Variants in MACROD2 observed in about 807,000 individuals in gnomAD.
MACROD2 encodes the protein ADP-ribose glycohydrolase MACROD2.
MACROD2 carries 36 observed loss-of-function variants against 70.4 expected under a neutral mutation model. The ratio of observed to expected loss-of-function variants is 0.51; its 90% CI spans 0.39 to 0.68. The LOEUF (loss-of-function observed/expected upper bound fraction) is 0.68, where lower values mean the gene tolerates loss of function less well. Among genes scored for constraint, MACROD2 ranks in the 30% least tolerant of loss-of-function variants. MACROD2 has a pLI of 0.00. For synonymous variants in MACROD2, 172 were observed against 178.8 expected (o/e 0.96, Z 0.30); for missense variants, 496 against 538.4 (o/e 0.92, Z 0.78).
intron 2 of MACROD2, among the ~76,000 whole-genome samples, chr20:14,041,829 T>C (rs2053395324): frequency 6.6e-6 from 1 of 152,168 alleles, no homozygotes; most frequent in Non-Finnish European, 1.5e-5. Flanking sequence ...TGTTCCTCTC[T>C]CTTCTTTACC....
chr20:15,551,398 G>A (rs2048094660), intron 8 of MACROD2, among the ~76,000 whole-genome samples: 1 of 150,280 alleles, frequency 6.7e-6, no homozygotes, highest in African/African-American at 2.4e-5. Flanking sequence ...TCTCTTTGTG[G>A]GCTTTTATTT....
chr20:14,088,128 A>G (rs1207107699), intron 3 of MACROD2, among the ~76,000 whole-genome samples: 1 of 152,066 alleles, frequency 6.6e-6, no homozygotes, highest in Admixed American at 6.6e-5. Context: ...CAAGAGATTG[A>G]GACCATCTTG....
intron 6 of MACROD2, among the ~76,000 whole-genome samples, chr20:15,337,733 A>G (rs943632032): frequency 6.6e-6 from 1 of 151,780 alleles, no homozygotes; most frequent in African/African-American, 2.4e-5. Context: ...ATGAATTGGG[A>G]GACTTTGACA....
chr20:15,290,079 G>T (rs1423928829), intron 6 of MACROD2, among the ~76,000 whole-genome samples: 1 of 152,220 alleles, frequency 6.6e-6, no homozygotes, highest in East Asian at 1.9e-4. Context: ...AGAATCACAG[G>T]ACTATTATGA....
At chr20:15,684,816 G>A (rs2050205352) in intron 8 of MACROD2, among the ~76,000 whole-genome samples, 1 of 152,022 alleles carries the variant, frequency 6.6e-6, no homozygotes, top group African/African-American at 2.4e-5. Context: ...TCTTGGCTTA[G>A]GAAAAAAATT....
chr20:15,008,953 C>G (rs565796680), intron 5 of MACROD2, among the ~76,000 whole-genome samples: 2 of 152,082 alleles, frequency 1.3e-5, no homozygotes, highest in East Asian at 3.9e-4. Context: ...GAGTAAAACC[C>G]TTATTCTGCC....
chr20:14,774,185 G>A lies in MACROD2; in HGVS notation c.418+89226G>A, dbSNP rs1448443917. 2.0e-5 allele frequency among the ~76,000 whole-genome samples: 3 copies of A among 152,054 alleles called. 1 individual carries two copies. On this transcript the variant is annotated intron_variant, in intron 5 of 17. Coordinates refer to ENST00000684519, the MANE Select transcript of MACROD2 (RefSeq NM_001351661.2). ...TTGAAAGAAAAACGGCAGCATTAAAGAGTGTCAGCTCTTATATGTATATGC... is the reference window on the plus strand; with the variant it reads ...TTGAAAGAAAAACGGCAGCATTAAAAAGTGTCAGCTCTTATATGTATATGC...
At chr20:15,032,357 C>T (rs1051533046) in intron 5 of MACROD2, among the ~76,000 whole-genome samples, 82 of 152,374 alleles carry the variant, frequency 5.4e-4, no homozygotes, top group African/African-American at 1.9e-3. Flanking sequence ...CCCTGGCGCG[C>T]CTACCCCTCT....
chr20:15,081,700 A>G (rs962069992), intron 5 of MACROD2, among the ~76,000 whole-genome samples: 1 of 152,150 alleles, frequency 6.6e-6, no homozygotes, highest in Non-Finnish European at 1.5e-5. Flanking sequence ...CACCCCTCTG[A>G]TAGGAAAAAC....
rs138951424 is a variant in MACROD2 at position 15,262,019 on chromosome 20, C to T, written c.540+31958C>T. ...ACATCAGGTTAAATGGGGTATTTAT[C>T]ACCTCAAGCATTTATCCTTTCTGTG... On this transcript the variant is annotated intron_variant, in intron 6 of 17. Coordinates refer to ENST00000684519, the MANE Select transcript of MACROD2 (RefSeq NM_001351661.2). 7.9e-3 allele frequency among the ~76,000 whole-genome samples: 1,196 copies of T among 151,990 alleles called. 9 individuals are homozygous for T. The highest frequency in any genetic ancestry group is 0.014 in the Non-Finnish European group (954 of 67,864).
intron 7 of MACROD2, 102 bp from the exon 8 acceptor site, chr20:15,499,672 G>A: frequency 9.9e-7 from 1 of 1,009,110 alleles, no homozygotes; most frequent in Non-Finnish European, 1.5e-6. Context: ...TGGTTGAACT[G>A]AATGTTGTTT....
At chr20:15,907,250 C>G (rs2065161350) in intron 10 of MACROD2, among the ~76,000 whole-genome samples, 1 of 152,218 alleles carries the variant, frequency 6.6e-6, no homozygotes, top group South Asian at 2.1e-4. Context: ...ACAGAACGAT[C>G]AGATTATCTT....
At chr20:15,845,475 T>A (rs922552652) in intron 8 of MACROD2, among the ~76,000 whole-genome samples, 1 of 152,076 alleles carries the variant, frequency 6.6e-6, no homozygotes, top group African/African-American at 2.4e-5. Flanking sequence ...CTCTACTGGG[T>A]TCACCTTGAT....
At chr20:15,143,958 ATCGC>A (rs371341078) in intron 5 of MACROD2, among the ~76,000 whole-genome samples, 36 of 146,230 alleles carry the variant, frequency 2.5e-4, no homozygotes, top group South Asian at 1.3e-3. Flanking sequence ...AAAAAAAAAA[ATCGC>A]AAAAAAAAAA....
rs1285408755 is a variant in MACROD2, at chr20:15,027,714, A to G, written c.419-202226A>G. Among the ~76,000 whole-genome samples the G allele has an allele frequency of 3.3e-5, 5 of 152,072 alleles. No homozygotes were observed. The East Asian group carries it at 9.7e-4, about 29-fold the overall frequency. ...AGAGTAGGACTCTCTAATTAAAAAA[A>G]AAAAAAAAAATGAAAAAAAATTTCT... On this transcript the variant is annotated intron_variant, in intron 5 of 17. Transcript: ENST00000684519.
intron 6 of MACROD2, among the ~76,000 whole-genome samples, chr20:15,431,053 T>G (rs1218460350): frequency 1.3e-5 from 2 of 152,044 alleles, no homozygotes; most frequent in African/African-American, 4.8e-5. Context: ...TAGTCAAATG[T>G]GCAAAGTAAT....
At chr20:14,186,863 CAT>C in intron 3 of MACROD2, among the ~76,000 whole-genome samples, 1 of 152,238 alleles carries the variant, frequency 6.6e-6, no homozygotes. Context: ...CAAAATACCA[CAT>C]GTTCTAATTT....
chr20:14,902,981 T>C (rs1030349531), intron 5 of MACROD2, among the ~76,000 whole-genome samples: 1 of 151,654 alleles, frequency 6.6e-6, no homozygotes, highest in Non-Finnish European at 1.5e-5. Context: ...GCAAAACCCA[T>C]GTAGTAAAAG....
At chr20:15,036,114 C>T (rs1015460070) in intron 5 of MACROD2, among the ~76,000 whole-genome samples, 19 of 152,204 alleles carry the variant, frequency 1.2e-4, no homozygotes, top group African/African-American at 4.6e-4. Flanking sequence ...TATTTATAGT[C>T]AATTTATCAG....
Sources: allele counts gnomAD v4.1 joint callset (sites outside exome capture counted in the v4.1 genomes callset), GRCh38; gene constraint gnomAD v4.1.1; transcripts MANE v1.5; gene names NCBI Gene and HGNC (gene_info 2026-07-23, HGNC 2026-07-21).